UNC13C: variants seen among roughly 807,000 people sequenced by gnomAD.
UNC13C encodes unc-13 homolog C, also known as protein unc-13 homolog C.
UNC13C carries 174 observed loss-of-function variants against 245.4 expected under a neutral mutation model. The ratio of observed to expected loss-of-function variants is 0.71; its 90% CI spans 0.63 to 0.80. UNC13C has a LOEUF of 0.80. Ranked by LOEUF, UNC13C falls within the 30% of genes least tolerant of loss-of-function variation. The pLI is 0.00. For synonymous variants in UNC13C, 992 were observed against 895.1 expected, an observed-to-expected ratio of 1.11 and a Z score of -1.93; for missense variants, 2,829 against 2,602.9, an observed-to-expected ratio of 1.09 and a Z score of -1.89.
the UNC13C span, among the ~76,000 whole-genome samples, chr15:53,839,206 C>G: frequency 6.6e-6 from 1 of 151,906 alleles, no homozygotes; most frequent in South Asian, 2.1e-4. Flanking sequence ...CTATTTTTTA[C>G]TGTTCTTCCC....
chr15:54,125,283 G>C (rs139962886), intron 2 of UNC13C, among the ~76,000 whole-genome samples: 1,963 of 152,180 alleles, frequency 0.013, 52 homozygotes, highest in African/African-American at 0.045. Context: ...TCAACATAGT[G>C]AAAACTTGTC....
rs56152927 is a variant in UNC13C, at chr15:54,592,863, GTTT to G, written c.6106+24930_6106+24932del. 5.6e-3 allele frequency among the ~76,000 whole-genome samples: 754 copies of G among 134,148 alleles called. 7 individuals are homozygous for G. Among genetic ancestry groups the G allele is most frequent in the African/African-American group, 0.02 (724 of 36,528 alleles). The allele number at this position is 134,148 out of a possible 152,430, so 88.0% of individuals were successfully genotyped here. ...TTGTTGCCTGTGTACTTTGTTTTTTGTTTTTTTTTTTTTTTTACTTGTATTTTT... is the reference window on the plus strand; with the variant it reads ...TTGTTGCCTGTGTACTTTGTTTTTTGTTTTTTTTTTTTTACTTGTATTTTT... On this transcript the variant is annotated intron_variant, in intron 30 of 32. Transcript: ENST00000260323.
intron 19 of UNC13C, among the ~76,000 whole-genome samples, chr15:54,440,271 G>T (rs1173471348): frequency 6.6e-6 from 1 of 151,996 alleles, no homozygotes; most frequent in Non-Finnish European, 1.5e-5. Flanking sequence ...ACAGAACTGT[G>T]AGTCAATTAA....
At chr15:54,138,915 A>ATAT (rs1344038404) in intron 2 of UNC13C, among the ~76,000 whole-genome samples, 1 of 115,510 alleles carries the variant, frequency 8.7e-6, no homozygotes, top group African/African-American at 3.2e-5. Flanking sequence ...TCTTTACTTG[A>ATAT]TATTATTGTG....
chr15:54,251,679 G>A (rs2036156629), intron 8 of UNC13C, among the ~76,000 whole-genome samples: 3 of 152,158 alleles, frequency 2.0e-5, no homozygotes, highest in South Asian at 4.1e-4. Flanking sequence ...TCAACATGAT[G>A]TTCATTTGCA....
At chr15:53,955,072 C>T in the UNC13C span, among the ~76,000 whole-genome samples, 1 of 152,076 alleles carries the variant, frequency 6.6e-6, no homozygotes, top group African/African-American at 2.4e-5. Flanking sequence ...CATAGATGTT[C>T]AGTAGCATAA....
intron 1 of UNC13C, among the ~76,000 whole-genome samples, chr15:53,986,623 C>T (rs766825293): frequency 3.9e-5 from 6 of 151,986 alleles, no homozygotes; most frequent in Non-Finnish European, 8.8e-5. Context: ...AAAAATTATA[C>T]AGTACCAAGA....
intron 1 of UNC13C, among the ~76,000 whole-genome samples, chr15:54,003,410 C>T (rs745580437): frequency 3.3e-4 from 50 of 152,108 alleles, no homozygotes; most frequent in Non-Finnish European, 4.9e-4. Context: ...GGAATGGGGT[C>T]GGGCCATGCC....
chr15:53,985,442 TGTATACATGTATACATGTGTTAA>T (rs1178252551), intron 1 of UNC13C, among the ~76,000 whole-genome samples: 4 of 151,974 alleles, frequency 2.6e-5, no homozygotes, highest in African/African-American at 9.7e-5. Context: ...TGTGCTACTA[TGTATACATGTATACATGTGTTAA>T]GTATACATGT....
At chr15:54,004,579 C>A (rs548673747) in intron 1 of UNC13C, among the ~76,000 whole-genome samples, 1 of 152,264 alleles carries the variant, frequency 6.6e-6, no homozygotes, top group East Asian at 1.9e-4. Context: ...TTTTGAGGAA[C>A]CTTCAAACTG....
chr15:54,594,309 C>T (rs908975152), intron 30 of UNC13C, among the ~76,000 whole-genome samples: 1 of 152,008 alleles, frequency 6.6e-6, no homozygotes, highest in African/African-American at 2.4e-5. Context: ...GACCTCCTGC[C>T]AGGAGGTGGC....
At chr15:54,145,157 G>T (rs2032200624) in intron 4 of UNC13C, among the ~76,000 whole-genome samples, 1 of 151,804 alleles carries the variant, frequency 6.6e-6, no homozygotes, top group African/African-American at 2.4e-5. Flanking sequence ...GTTGAAATTT[G>T]AATACATTTA....
Position 54,623,209 on chromosome 15 carries a change from G to A in UNC13C, c.6200-586G>A, listed in dbSNP as rs528193656. On this transcript the variant is annotated intron_variant, in intron 31 of 32. Coordinates refer to ENST00000260323, the MANE Select transcript of UNC13C (RefSeq NM_001080534.3). Reference sequence around the variant, plus strand: ...CTTCATTTAGTATTTTTTTTATGACGACTGAAATTTAAAAACAGCTATAAT... The same window carrying A: ...CTTCATTTAGTATTTTTTTTATGACAACTGAAATTTAAAAACAGCTATAAT... Among the ~76,000 whole-genome samples, 18 of 151,796 alleles carry A rather than the reference G, an allele frequency of 1.2e-4. No individual in the cohort carries two copies. The East Asian group carries it at 2.7e-3, about 23-fold the overall frequency.
chr15:54,098,331 C>A (rs1472274586), intron 2 of UNC13C, among the ~76,000 whole-genome samples: 2 of 152,088 alleles, frequency 1.3e-5, no homozygotes, highest in African/African-American at 4.8e-5. Context: ...AGTGCCACCA[C>A]GCCTGGCTAA....
intron 2 of UNC13C, among the ~76,000 whole-genome samples, chr15:54,073,797 G>T (rs77292060): frequency 1.1e-4 from 17 of 152,314 alleles, no homozygotes; most frequent in Admixed American, 5.9e-4. Flanking sequence ...CAGATGGATA[G>T]ATTGCCAAAA....
At chr15:54,612,463 C>CA (rs1566939203) in intron 30 of UNC13C, among the ~76,000 whole-genome samples, 1 of 152,126 alleles carries the variant, frequency 6.6e-6, no homozygotes, top group East Asian at 1.9e-4. Context: ...TCCCAGTTGA[C>CA]AGATGGATTT....
chr15:54,520,204 G>T (rs182259914), intron 24 of UNC13C, among the ~76,000 whole-genome samples: 29 of 152,220 alleles, frequency 1.9e-4, no homozygotes, highest in African/African-American at 6.7e-4. Flanking sequence ...AGAGGAAAAG[G>T]CAGGTGGATA....
At chr15:54,288,332 G>A (rs2037202711) in intron 10 of UNC13C, among the ~76,000 whole-genome samples, 1 of 152,000 alleles carries the variant, frequency 6.6e-6, no homozygotes. Flanking sequence ...TTTTATCAGT[G>A]CCTACACTCA....
At position 54,013,215 on chromosome 15, in the gene UNC13C, G is replaced by C; in HGVS notation, c.312G>C (p.Lys104Asn). 6.2e-7 allele frequency: 1 copy of C among 1,613,772 alleles called. No homozygotes were observed. Among genetic ancestry groups the C allele is most frequent in the Non-Finnish European group, 8.5e-7 (1 of 1,179,842 alleles). Reference sequence around the variant, plus strand: ...TAGCTATTGCCAATGGCCTACAAAAGAATGCTAAAGTAACCAACAGTGATA... The same window carrying C: ...TAGCTATTGCCAATGGCCTACAAAACAATGCTAAAGTAACCAACAGTGATA... The part of the protein sequence containing the change: ...YRVAIANGLQ[K>N]NAKVTNSDNE... Residue 104 changes from lysine to asparagine, a missense_variant, in exon 2 of 33, where the codon AAG (lysine) becomes AAC (asparagine). Transcript: ENST00000260323.
Sources: gnomAD v4.1 joint callset for allele counts (sites outside exome capture counted in the v4.1 genomes callset) on GRCh38, gnomAD v4.1.1 for gene constraint, MANE v1.5 for transcripts, NCBI Gene and HGNC (gene_info 2026-07-23, HGNC 2026-07-21) for gene names.